The following SLC26A8 variants were observed in gnomAD, a reference collection of about 807,000 sequenced individuals.
SLC26A8 encodes testis anion transporter 1.
A neutral mutation model predicts 105.0 loss-of-function variants in SLC26A8; 70 were observed. The ratio of observed to expected loss-of-function variants is 0.67; its 90% confidence interval spans 0.55 to 0.81. The LOEUF is 0.81. Ranked by LOEUF, SLC26A8 falls within the 40% of genes least tolerant of loss-of-function variation. The probability of loss-of-function intolerance (pLI) is 0.00; values close to 1 mark genes in which losing one functional copy is unlikely to be tolerated. For synonymous variants in SLC26A8, 415 were observed against 438.3 expected (o/e 0.95, Z 0.66); for missense variants, 998 against 1,181.8 (o/e 0.84, Z 2.28).
chr6:35,991,062 C>A (rs1761131648), intron 7 of SLC26A8, among the ~76,000 whole-genome samples: 1 of 152,014 alleles, frequency 6.6e-6, no homozygotes, highest in Non-Finnish European at 1.5e-5. Context: ...GTTCTCACAA[C>A]AAAAATAATA....
chr6:35,985,145 C>T (rs1188766889), intron 7 of SLC26A8, among the ~76,000 whole-genome samples: 3 of 152,144 alleles, frequency 2.0e-5, no homozygotes, highest in East Asian at 1.9e-4. Flanking sequence ...GCCCCCACCC[C>T]TTCAATTTGT....
chr6:35,965,467 G>A (rs112738263), intron 11 of SLC26A8, among the ~76,000 whole-genome samples: 6 of 151,658 alleles, frequency 4.0e-5, no homozygotes, highest in African/African-American at 1.2e-4. Context: ...ATCACCTGAG[G>A]TTGGGGGTTC....
chr6:36,011,345 A>ATATGG (rs1476893238), intron 3 of SLC26A8, among the ~76,000 whole-genome samples: 6 of 152,172 alleles, frequency 3.9e-5, no homozygotes, highest in Non-Finnish European at 7.3e-5. Flanking sequence ...TGGAAGCCCT[A>ATATGG]CCTTTGGGAT....
Position 35,951,503 on chromosome 6 carries a change from T to TG in SLC26A8, c.2233-5dup, listed in dbSNP as rs1312175389. On this transcript the variant is annotated splice_region_variant and splice_polypyrimidine_tract_variant and intron_variant, in intron 17 of 19. Coordinates refer to ENST00000490799, the MANE Select transcript of SLC26A8 (RefSeq NM_052961.4). ...CGTTTTGAAAGGCATTGCATATCTG[T>TG]GGGGGGAGAGAAAACCAGTATCAGA... 4.3e-6 allele frequency: 7 copies of TG among 1,613,876 alleles called. No individual in the cohort carries two copies. The highest frequency in any genetic ancestry group is 3.3e-5 in the Admixed American group (2 of 59,976).
At chr6:35,967,456 TAAG>T (rs971705654) in intron 11 of SLC26A8, among the ~76,000 whole-genome samples, 2 of 152,190 alleles carry the variant, frequency 1.3e-5, no homozygotes, top group African/African-American at 4.8e-5. Context: ...TACTGTAACC[TAAG>T]AAGAGAAGGA....
intron 16 of SLC26A8, among the ~76,000 whole-genome samples, chr6:35,958,778 AGAGT>A (rs1489295818): frequency 6.6e-6 from 1 of 152,202 alleles, no homozygotes. Flanking sequence ...CTGCCCCTCC[AGAGT>A]GAGTGCTGTA....
intron 19 of SLC26A8, among the ~76,000 whole-genome samples, chr6:35,950,347 T>G (rs996953082): frequency 3.3e-5 from 5 of 151,660 alleles, no homozygotes; most frequent in African/African-American, 1.2e-4. Flanking sequence ...TGGAGTGCAG[T>G]GGCGTGATCT....
intron 7 of SLC26A8, among the ~76,000 whole-genome samples, chr6:35,991,226 C>A: frequency 7.5e-6 from 1 of 132,570 alleles, no homozygotes; most frequent in South Asian, 2.9e-4. Flanking sequence ...CATGGTGAAA[C>A]CCTGTCTCTA....
intron 14 of SLC26A8, chr6:35,960,637 T>G: frequency 1.7e-6 from 1 of 601,660 alleles, no homozygotes; most frequent in South Asian, 2.1e-5. Flanking sequence ...CTGTCCAGCT[T>G]GGGTGACAGA....
intron 19 of SLC26A8, among the ~76,000 whole-genome samples, chr6:35,950,653 T>C (rs1468445076): frequency 6.6e-6 from 1 of 152,198 alleles, no homozygotes; most frequent in Non-Finnish European, 1.5e-5. Flanking sequence ...TTTGGTCAGC[T>C]TGAGTAAATC....
chr6:36,002,397 AT>A (rs1761549468), intron 3 of SLC26A8, among the ~76,000 whole-genome samples: 1 of 152,156 alleles, frequency 6.6e-6, no homozygotes, highest in Non-Finnish European at 1.5e-5. Flanking sequence ...TATAGCTTGA[AT>A]TTCAACTTCT....
intron 2 of SLC26A8, among the ~76,000 whole-genome samples, chr6:36,019,082 C>A (rs1390481290): frequency 6.6e-6 from 1 of 152,158 alleles, no homozygotes; most frequent in Non-Finnish European, 1.5e-5. Flanking sequence ...CGTGCCACCA[C>A]GCCCAGCTAA....
intron 10 of SLC26A8, among the ~76,000 whole-genome samples, chr6:35,971,043 C>T (rs1772778779): frequency 6.6e-6 from 1 of 151,982 alleles, no homozygotes; most frequent in Non-Finnish European, 1.5e-5. Context: ...ACAACAACAA[C>T]AACAACAACA....
chr6:35,970,943 G>A (rs150923491), intron 10 of SLC26A8, among the ~76,000 whole-genome samples: 548 of 152,152 alleles, frequency 3.6e-3, no homozygotes, highest in Non-Finnish European at 5.4e-3. Flanking sequence ...CAGGAGAATC[G>A]TTTGCACCTG....
At chr6:35,979,274 G>A (rs1773174153) in intron 8 of SLC26A8, among the ~76,000 whole-genome samples, 1 of 152,066 alleles carries the variant, frequency 6.6e-6, no homozygotes, top group African/African-American at 2.4e-5. Flanking sequence ...TCAGGAGATC[G>A]AGACCATCCT....
intron 16 of SLC26A8, among the ~76,000 whole-genome samples, chr6:35,956,309 T>C (rs1772058320): frequency 6.7e-6 from 1 of 150,332 alleles, no homozygotes; most frequent in Admixed American, 6.7e-5. Flanking sequence ...ACGCCTATTG[T>C]CCCAGGTACT....
chr6:35,984,815 A>G (rs1054598510), intron 7 of SLC26A8, among the ~76,000 whole-genome samples: 2 of 152,212 alleles, frequency 1.3e-5, no homozygotes, highest in African/African-American at 4.8e-5. Context: ...CTCTTGGCCA[A>G]GGGAATTCCG....
At chr6:35,953,109 A>T (rs1771938262) in intron 17 of SLC26A8, among the ~76,000 whole-genome samples, 1 of 151,688 alleles carries the variant, frequency 6.6e-6, no homozygotes, top group South Asian at 2.1e-4. Flanking sequence ...TCCAATAAGG[A>T]GGCAGTATAC....
rs780958056 is a variant in SLC26A8 at position 35,959,696 on chromosome 6, G to A, written c.1731+18C>T. 2.5e-5 allele frequency: 40 copies of A among 1,603,342 alleles called. No homozygotes were observed. The highest frequency in any genetic ancestry group is 1.8e-4 in the South Asian group (16 of 89,208). ...GGGGAGTGGGCAGGTTGAGAAAGGC[G>A]GGCAGGAGGGCAGATACCTCTTTTA... On this transcript the variant is annotated intron_variant, in intron 15 of 19. Coordinates refer to ENST00000490799, the MANE Select transcript of SLC26A8 (RefSeq NM_052961.4).
Sources: allele counts gnomAD v4.1 joint callset (sites outside exome capture counted in the v4.1 genomes callset), GRCh38; gene constraint gnomAD v4.1.1; transcripts MANE v1.5; gene names NCBI Gene and HGNC (gene_info 2026-07-23, HGNC 2026-07-21).